The following TRAPPC9 variants were observed in gnomAD, a reference collection of about 807,000 sequenced individuals.
TRAPPC9 encodes the protein trafficking protein particle complex subunit 9.
In TRAPPC9, 83 loss-of-function variants were observed where a neutral mutation model predicts 124.0. The observed-to-expected ratio is 0.67, with a 90% CI of 0.56 to 0.80. TRAPPC9 has a LOEUF of 0.80. TRAPPC9 is among the 30% of genes least tolerant of loss of function. The pLI, the probability that TRAPPC9 is intolerant of heterozygous loss-of-function variation, is 0.00. For synonymous variants in TRAPPC9, 638 were observed against 617.5 expected, an observed-to-expected ratio of 1.03 and a Z score of -0.49; for missense variants, 1,302 against 1,508.3, an observed-to-expected ratio of 0.86 and a Z score of 2.27.
At position 139,975,771 on chromosome 8, in the gene TRAPPC9, G is replaced by A. The variant is rs982203120; in HGVS notation, c.2810+12955C>T. ...CTCAAGCTGCCCTGGCTGTGCCAAC[G>A]CCCCTCCTCTCTTCATGTCACCTGT... On this transcript the variant is annotated intron_variant, in intron 19 of 22. Coordinates refer to ENST00000438773, the MANE Select transcript of TRAPPC9 (RefSeq NM_001160372.4). 5.3e-5 allele frequency among the ~76,000 whole-genome samples: 8 copies of A among 151,850 alleles called. No homozygotes were observed. The South Asian group carries it at 1.0e-3, about 20-fold the overall frequency.
chr8:139,930,235 C>T (rs752105519), intron 19 of TRAPPC9, among the ~76,000 whole-genome samples: 14 of 152,172 alleles, frequency 9.2e-5, no homozygotes, highest in Non-Finnish European at 1.6e-4. Flanking sequence ...GCATGTTTAC[C>T]CCTCCATCCC....
chr8:139,866,278 T>C (rs1003358261), intron 21 of TRAPPC9, among the ~76,000 whole-genome samples: 4 of 152,352 alleles, frequency 2.6e-5, no homozygotes, highest in African/African-American at 4.8e-5. Flanking sequence ...CGTCCCATGA[T>C]GGCCTGAACC....
intron 18 of TRAPPC9, among the ~76,000 whole-genome samples, chr8:140,020,639 C>T (rs1839783061): frequency 6.6e-6 from 1 of 151,874 alleles, no homozygotes; most frequent in African/African-American, 2.4e-5. Flanking sequence ...AAAAAAAATA[C>T]ACATGTACAC....
chr8:140,348,853 C>A (rs1046148258), intron 9 of TRAPPC9, among the ~76,000 whole-genome samples: 3 of 152,038 alleles, frequency 2.0e-5, no homozygotes, highest in African/African-American at 7.2e-5. Context: ...AAGAGACAAG[C>A]GGAGGCAGAA....
intron 18 of TRAPPC9, among the ~76,000 whole-genome samples, chr8:140,006,466 A>C (rs947843180): frequency 1.3e-5 from 2 of 152,188 alleles, no homozygotes; most frequent in African/African-American, 4.8e-5. Context: ...TTAAACATAG[A>C]GTTACCATAT....
intron 21 of TRAPPC9, among the ~76,000 whole-genome samples, chr8:139,832,699 C>A (rs1826069162): frequency 6.6e-6 from 1 of 152,178 alleles, no homozygotes; most frequent in African/African-American, 2.4e-5. Flanking sequence ...GACTTCTCTT[C>A]CGCCTCATGA....
intron 21 of TRAPPC9, among the ~76,000 whole-genome samples, chr8:139,744,927 T>C (rs773443291): frequency 1.3e-5 from 2 of 152,236 alleles, no homozygotes; most frequent in Non-Finnish European, 2.9e-5. Flanking sequence ...AGTTCTCTCA[T>C]CGGAGGCTCT....
intron 19 of TRAPPC9, among the ~76,000 whole-genome samples, chr8:139,967,888 C>A (rs1381258022): frequency 6.6e-6 from 1 of 152,130 alleles, no homozygotes; most frequent in Non-Finnish European, 1.5e-5. Context: ...CCTATAATCC[C>A]AGCACTTTGG....
intron 18 of TRAPPC9, among the ~76,000 whole-genome samples, chr8:140,002,257 A>G (rs1015384077): frequency 2.6e-5 from 4 of 152,084 alleles, no homozygotes; most frequent in African/African-American, 9.7e-5. Flanking sequence ...ATCAATAGAA[A>G]AAAACCCCTT....
chr8:139,875,115 G>A (rs562414392), intron 21 of TRAPPC9, among the ~76,000 whole-genome samples: 1 of 152,324 alleles, frequency 6.6e-6, no homozygotes, highest in South Asian at 2.1e-4. Flanking sequence ...AGAGATGTCT[G>A]CAGCTAAATA....
chr8:139,992,184 A>G (rs183447142), intron 18 of TRAPPC9, among the ~76,000 whole-genome samples: 86 of 152,350 alleles, frequency 5.6e-4, no homozygotes, highest in African/African-American at 1.9e-3. Context: ...TAATAGCAAC[A>G]CAGTCCACAA....
At chr8:140,165,403 G>A (rs1369580169) in intron 17 of TRAPPC9, among the ~76,000 whole-genome samples, 2 of 94,196 alleles carry the variant, frequency 2.1e-5, no homozygotes, top group Non-Finnish European at 4.5e-5. Flanking sequence ...GCCAGGCATG[G>A]TGGTGCATGC....
intron 16 of TRAPPC9, among the ~76,000 whole-genome samples, chr8:140,235,428 G>A (rs1490717639): frequency 6.6e-6 from 1 of 152,124 alleles, no homozygotes; most frequent in African/African-American, 2.4e-5. Flanking sequence ...AAAATATGTT[G>A]AGTACTACTA....
intron 21 of TRAPPC9, among the ~76,000 whole-genome samples, chr8:139,847,758 C>G (rs1470209072): frequency 6.7e-6 from 1 of 149,696 alleles, no homozygotes; most frequent in African/African-American, 2.5e-5. Flanking sequence ...TGGGCACGAG[C>G]ACCTGCCTCT....
chr8:140,002,855 A>G (rs1394322888), intron 18 of TRAPPC9, among the ~76,000 whole-genome samples: 7 of 144,490 alleles, frequency 4.8e-5, no homozygotes, highest in South Asian at 2.1e-4. Context: ...AAAAAAAAAA[A>G]AAAAAAAAAA....
chr8:140,211,563 G>GA (rs1025945020), intron 17 of TRAPPC9, among the ~76,000 whole-genome samples: 6 of 151,840 alleles, frequency 4.0e-5, no homozygotes, highest in African/African-American at 1.5e-4. Context: ...TGTCTCTTAA[G>GA]AAAAAAATAT....
intron 17 of TRAPPC9, among the ~76,000 whole-genome samples, chr8:140,033,452 G>T (rs1161104851): frequency 6.6e-6 from 1 of 151,820 alleles, no homozygotes; most frequent in Non-Finnish European, 1.5e-5. Flanking sequence ...ACGTCTGGAA[G>T]AAGACATGGA....
intron 15 of TRAPPC9, among the ~76,000 whole-genome samples, chr8:140,265,400 C>A (rs1435731063): frequency 6.6e-6 from 1 of 152,166 alleles, no homozygotes; most frequent in Non-Finnish European, 1.5e-5. Context: ...GCCAACCAAC[C>A]AAGGTATTTA....
In TRAPPC9 at chr8:140,172,305, T is replaced by C. The variant is rs576232891; in HGVS notation, c.2556+49154A>G. Among the ~76,000 whole-genome samples, 9 of 151,812 alleles carry C rather than the reference T, an allele frequency of 5.9e-5. 1 individual carries two copies. In the South Asian group the frequency reaches 8.3e-4, roughly 14 times the overall value. ...ATGGTATCGGATTGAAAAAGGACCA[T>C]GATGTCAGTTTCAACTAGTTCTGGA... On this transcript the variant is annotated intron_variant, in intron 17 of 22. Transcript: ENST00000438773.
Sources: gnomAD v4.1 joint callset for allele counts (sites outside exome capture counted in the v4.1 genomes callset) on GRCh38, gnomAD v4.1.1 for gene constraint, MANE v1.5 for transcripts, NCBI Gene and HGNC (gene_info 2026-07-23, HGNC 2026-07-21) for gene names.